Variants in SLC8B1 observed in about 807,000 individuals in gnomAD.
The protein encoded by SLC8B1 is mitochondrial sodium/calcium exchanger protein.
Under a neutral mutation model 63.4 loss-of-function variants are expected in SLC8B1, and 52 were observed. That is an observed-to-expected ratio of 0.82 (90% CI 0.66 to 1.03). SLC8B1 has a LOEUF of 1.03. SLC8B1 is among the 50% of genes least tolerant of loss of function. The pLI, the probability that SLC8B1 is intolerant of heterozygous loss-of-function variation, is 0.00. For missense variants in SLC8B1, 657 were observed against 741.7 expected (o/e 0.89, Z 1.33); for synonymous variants, 336 against 323.9 (o/e 1.04, Z -0.40).
chr12:113,318,042 G>A (rs1956859978), intron 8 of SLC8B1, among the ~76,000 whole-genome samples: 1 of 152,044 alleles, frequency 6.6e-6, no homozygotes, highest in African/African-American at 2.4e-5. Context: ...GTATGCATGT[G>A]CATGCATCTG....
At chr12:113,323,377 G>A (rs2136859047) in intron 2 of SLC8B1, among the ~76,000 whole-genome samples, 1 of 152,306 alleles carries the variant, frequency 6.6e-6, no homozygotes, top group East Asian at 1.9e-4. Flanking sequence ...GCTATGAGCA[G>A]CCTTATTCAG....
intron 15 of SLC8B1, chr12:113,302,378 C>T (rs1436153537): frequency 7.3e-6 from 2 of 274,410 alleles, no homozygotes; most frequent in Admixed American, 4.7e-5. Flanking sequence ...GGTGGCACTG[C>T]CCGGCTGATG....
intron 2 of SLC8B1, among the ~76,000 whole-genome samples, chr12:113,328,654 T>C (rs911082236): frequency 6.6e-6 from 1 of 152,004 alleles, no homozygotes; most frequent in Non-Finnish European, 1.5e-5. Context: ...CTCTATTTAA[T>C]CCACATTCAC....
At chr12:113,333,022 G>T in intron 1 of SLC8B1, 62 bp from the exon 2 acceptor site, 2 of 1,022,976 alleles carry the variant, frequency 2.0e-6, no homozygotes, top group East Asian at 2.6e-5. Context: ...ACAGCAAAAG[G>T]GGCTGGAAGA....
At chr12:113,311,620 C>CAA (rs935729602) in intron 11 of SLC8B1, among the ~76,000 whole-genome samples, 4 of 134,224 alleles carry the variant, frequency 3.0e-5, no homozygotes, top group African/African-American at 5.5e-5. Flanking sequence ...GATCTTGTCT[C>CAA]AAAAAAAAAA....
Position 113,315,406 on chromosome 12 carries a change from T to C in SLC8B1, c.1064A>G (p.Lys355Arg), listed in dbSNP as rs749703436. The change falls in exon 11 of 16, where the codon AAA becomes AGA. Residue 355 changes from lysine to arginine, a missense_variant. Physicochemically the swap from Lys to Arg is conservative, Grantham distance 26 (BLOSUM62 2). Transcript: ENST00000680972. ...CAGATGCAGACAGTTGAGGGGCCGTTTCCAGTTCTGGTCATCCTTGTCCGG... is the reference window on the plus strand; with the variant it reads ...CAGATGCAGACAGTTGAGGGGCCGTCTCCAGTTCTGGTCATCCTTGTCCGG... Reference protein sequence around the residue: ...VDPDKDDQNWKRPLNCLHLVI... With the variant: ...VDPDKDDQNWRRPLNCLHLVI... 5.7e-6 allele frequency: 9 copies of C among 1,588,382 alleles called. No homozygotes were observed. In the African/African-American group the frequency reaches 6.7e-5, roughly 12 times the overall value.
intron 15 of SLC8B1, among the ~76,000 whole-genome samples, chr12:113,303,515 C>T (rs1445586959): frequency 6.6e-6 from 1 of 152,164 alleles, no homozygotes; most frequent in Non-Finnish European, 1.5e-5. Flanking sequence ...CCCCAGCCTA[C>T]GTCTTCCTTG....
intron 7 of SLC8B1, 23 bp from the exon 8 acceptor site, chr12:113,319,094 C>A (rs756760230): frequency 6.3e-7 from 1 of 1,582,036 alleles, no homozygotes. Flanking sequence ...TGCACGCCGT[C>A]ACCAAGTGGT....
chr12:113,302,299 TG>T, intron 15 of SLC8B1: 1 of 197,028 alleles, frequency 5.1e-6, no homozygotes. Context: ...ATGGGCCCAC[TG>T]GGCAAGGAAC....
chr12:113,312,236 C>G (rs1244873601), intron 11 of SLC8B1, among the ~76,000 whole-genome samples: 1 of 151,944 alleles, frequency 6.6e-6, no homozygotes, highest in Admixed American at 6.6e-5. Context: ...GAGTTCAAGA[C>G]CAGCCTGGCC....
intron 12 of SLC8B1, chr12:113,308,101 C>T (rs1488948042): frequency 1.1e-5 from 4 of 353,336 alleles, no homozygotes; most frequent in South Asian, 7.2e-5. Flanking sequence ...AATCGCAGCA[C>T]TTTGGGAGGC....
chr12:113,326,702 A>G (rs1468879257), intron 2 of SLC8B1, among the ~76,000 whole-genome samples: 13 of 150,374 alleles, frequency 8.6e-5, no homozygotes, highest in Non-Finnish European at 1.6e-4. Context: ...TTTTTGAGAC[A>G]AGGTCTCACT....
chr12:113,318,075 A>G (rs180683429), intron 8 of SLC8B1, among the ~76,000 whole-genome samples: 105 of 151,242 alleles, frequency 6.9e-4, no homozygotes, highest in African/African-American at 2.5e-3. Flanking sequence ...GTGTGCATAT[A>G]TTTGTGTCTG....
At chr12:113,333,281 G>GA (rs1957081335) in intron 1 of SLC8B1, among the ~76,000 whole-genome samples, 1 of 144,838 alleles carries the variant, frequency 6.9e-6, no homozygotes, top group Admixed American at 6.7e-5. Flanking sequence ...AGGCTTCTGG[G>GA]GCAGGTGGGT....
chr12:113,313,986 G>T (rs1956798221), intron 11 of SLC8B1, among the ~76,000 whole-genome samples: 1 of 152,020 alleles, frequency 6.6e-6, no homozygotes, highest in South Asian at 2.1e-4. Flanking sequence ...CTCGGGTCTG[G>T]GTGACAGTCA....
At chr12:113,311,214 G>C (rs1278157442) in intron 11 of SLC8B1, among the ~76,000 whole-genome samples, 1 of 152,214 alleles carries the variant, frequency 6.6e-6, no homozygotes, top group Admixed American at 6.5e-5. Flanking sequence ...ACTTGGGGAA[G>C]CTGAGGCGGG....
At chr12:113,303,069 CGT>C (rs144980849) in intron 15 of SLC8B1, among the ~76,000 whole-genome samples, 1,436 of 125,536 alleles carry the variant, frequency 0.011, 39 homozygotes, top group East Asian at 0.11. Flanking sequence ...CACACACACA[CGT>C]ACACACACAC....
At chr12:113,300,031 G>C in intron 15 of SLC8B1, 57 bp from the exon 16 acceptor site, 3 of 1,527,320 alleles carry the variant, frequency 2.0e-6, no homozygotes, top group South Asian at 2.3e-5. Flanking sequence ...GCCCCGCCCC[G>C]TCTGTGGCCA....
In SLC8B1 at chr12:113,305,386, C is replaced by A. The variant is rs1300010412; in HGVS notation, c.1493-1001G>T. ...GCTCACACTGCAGCCCCTGGTGAGG[C>A]TCTGTCATCGTGGAGCCTGGAGAGA... On this transcript the variant is annotated intron_variant, in intron 14 of 15. Transcript: ENST00000680972. The surrounding 1 kb of genome is among the most constrained non-coding windows in gnomAD (Gnocchi z 4.3). 6.6e-6 allele frequency among the ~76,000 whole-genome samples: 1 copy of A among 152,270 alleles called. No homozygotes were observed. The highest frequency in any genetic ancestry group is 2.4e-5 in the African/African-American group (1 of 41,476).
Sources: gnomAD v4.1 joint callset for allele counts (sites outside exome capture counted in the v4.1 genomes callset) on GRCh38, gnomAD v4.1.1 for gene constraint, Gnocchi (gnomAD v3.1) non-coding constraint, MANE v1.5 for transcripts, NCBI Gene and HGNC (gene_info 2026-07-23, HGNC 2026-07-21) for gene names.